Variants in TMEM117 observed in about 807,000 individuals in gnomAD.
The protein encoded by TMEM117 is transmembrane protein 117.
In TMEM117, 27 loss-of-function variants were observed where a neutral mutation model predicts 52.4. That is an observed-to-expected ratio of 0.51 (90% CI 0.38 to 0.71). The LOEUF (loss-of-function observed/expected upper bound fraction) is 0.71, where lower values mean the gene tolerates loss of function less well. Ranked by LOEUF, TMEM117 falls within the 30% of genes least tolerant of loss-of-function variation. The pLI is 0.00. For missense variants in TMEM117, 556 were observed against 630.5 expected (o/e 0.88, Z 1.26); for synonymous variants, 215 against 206.3 (o/e 1.04, Z -0.36).
At chr12:43,834,391 A>G (rs976026731), upstream of TMEM117, among the ~76,000 whole-genome samples, 1 of 152,242 alleles carries the variant, frequency 6.6e-6, no homozygotes, top group African/African-American at 2.4e-5. Context: ...TTAGGTACTA[A>G]GGATACAATC....
chr12:44,124,056 G>A lies in TMEM117; in HGVS notation c.411-19469G>A, dbSNP rs186113727. ...TGAGCATGGAATTTTTTTTCCATTTGTTTTAGTCATCTCTGATTTCTTTGA... is the reference window on the plus strand; with the variant it reads ...TGAGCATGGAATTTTTTTTCCATTTATTTTAGTCATCTCTGATTTCTTTGA... On this transcript the variant is annotated intron_variant, in intron 3 of 7. Transcript: ENST00000266534. 1.2e-3 allele frequency among the ~76,000 whole-genome samples: 185 copies of A among 151,522 alleles called. 1 individual carries two copies. Among genetic ancestry groups the A allele is most frequent in the Admixed American group, 2.6e-3 (40 of 15,244 alleles).
Position 43,883,375 on chromosome 12 carries a change from C to T in TMEM117, c.277+38447C>T, listed in dbSNP as rs139479790. On this transcript the variant is annotated intron_variant, in intron 2 of 7. Transcript: ENST00000266534. ...TTATTCAAGTCATATCTCTTCATCA[C>T]CGCATTTCATATACAAAGCCTGCCA... is the stretch of plus-strand genomic sequence containing the variant. 3.9e-3 allele frequency among the ~76,000 whole-genome samples: 601 copies of T among 152,228 alleles called. 5 individuals are homozygous for T. The highest frequency in any genetic ancestry group is 0.014 in the African/African-American group (567 of 41,556).
At chr12:44,148,122 G>A (rs1948671530) in intron 4 of TMEM117, among the ~76,000 whole-genome samples, 2 of 152,102 alleles carry the variant, frequency 1.3e-5, no homozygotes, top group African/African-American at 4.8e-5. Context: ...GCCACTACTA[G>A]CAAAGGCTTT....
At chr12:44,214,122 A>C (rs1253264636) in intron 5 of TMEM117, among the ~76,000 whole-genome samples, 1 of 146,406 alleles carries the variant, frequency 6.8e-6, no homozygotes, top group African/African-American at 2.5e-5. Flanking sequence ...CCAATGTCTT[A>C]CAAATTTTTT....
chr12:43,896,135 A>T (rs1944197465), intron 2 of TMEM117, among the ~76,000 whole-genome samples: 1 of 152,204 alleles, frequency 6.6e-6, no homozygotes. Flanking sequence ...AAGTTGACAC[A>T]TAGTATTGAC....
At chr12:44,214,126 ATTTTTTTTTTAATTTTTTT>A (rs1565599839) in intron 5 of TMEM117, among the ~76,000 whole-genome samples, 1 of 138,662 alleles carries the variant, frequency 7.2e-6, no homozygotes, top group Admixed American at 7.4e-5. Flanking sequence ...TGTCTTACAA[ATTTTTTTTTTAATTTTTTT>A]TTTTTTTTTT....
At chr12:44,390,199 G>GACACAC (rs58917894), downstream of TMEM117, among the ~76,000 whole-genome samples, 6,592 of 143,640 alleles carry the variant, frequency 0.046, 159 homozygotes, top group Middle Eastern at 0.082. Flanking sequence ...AAACATATCT[G>GACACAC]ACACACACAC....
intron 2 of TMEM117, among the ~76,000 whole-genome samples, chr12:43,851,991 C>G (rs1943315451): frequency 6.6e-6 from 1 of 152,208 alleles, no homozygotes. Flanking sequence ...AAACGTTCAT[C>G]AAAGTGTAGA....
At chr12:44,349,556 C>A (rs1353277334) in intron 6 of TMEM117, among the ~76,000 whole-genome samples, 1 of 151,986 alleles carries the variant, frequency 6.6e-6, no homozygotes, top group African/African-American at 2.4e-5. Context: ...CTGTCAGATC[C>A]ACTTCAGAGT....
Position 44,388,328 on chromosome 12 carries a change from C to G in TMEM117, c.1201C>G (p.Leu401Val). 6.2e-7 allele frequency: 1 copy of G among 1,613,578 alleles called. No homozygotes were observed. Among genetic ancestry groups the G allele is most frequent in the Non-Finnish European group, 8.5e-7 (1 of 1,179,670 alleles). Reference protein sequence around the residue: ...DVKCLAFVPSLIAFVWFGFFI... With the variant: ...DVKCLAFVPSVIAFVWFGFFI... ...CAAGTGTCTGGCCTTTGTTCCAAGC[C>G]TGATAGCCTTTGTGTGGTTTGGATT... Residue 401 changes from leucine (L) to valine (V), a missense_variant, in exon 8 of 8, where the codon CTG becomes GTG. Transcript: ENST00000266534.
At chr12:44,286,765 A>G (rs1195984421) in intron 5 of TMEM117, among the ~76,000 whole-genome samples, 5 of 152,212 alleles carry the variant, frequency 3.3e-5, no homozygotes, top group African/African-American at 9.7e-5. Context: ...AATCCCATAT[A>G]TAATAAACAA....
chr12:44,237,843 A>G (rs1950017100), intron 5 of TMEM117, among the ~76,000 whole-genome samples: 2 of 152,216 alleles, frequency 1.3e-5, no homozygotes, highest in Non-Finnish European at 2.9e-5. Flanking sequence ...TGAATGCCCT[A>G]TTACATCAGG....
intron 5 of TMEM117, among the ~76,000 whole-genome samples, chr12:44,239,429 T>A (rs1317315306): frequency 6.6e-6 from 1 of 152,192 alleles, no homozygotes; most frequent in Non-Finnish European, 1.5e-5. Flanking sequence ...GAAATTAAGA[T>A]GTTCCTGTCA....
At chr12:44,037,842 C>T (rs1036966700) in intron 3 of TMEM117, among the ~76,000 whole-genome samples, 2 of 151,566 alleles carry the variant, frequency 1.3e-5, no homozygotes, top group African/African-American at 2.4e-5. Flanking sequence ...CTACCCACTA[C>T]AGGGTCTCCT....
intron 3 of TMEM117, among the ~76,000 whole-genome samples, chr12:43,967,884 C>G (rs1032142014): frequency 1.3e-5 from 2 of 152,210 alleles, no homozygotes; most frequent in Admixed American, 6.5e-5. Context: ...CAGAAACATG[C>G]GTGTGCGTGT....
intron 4 of TMEM117, among the ~76,000 whole-genome samples, chr12:44,166,663 A>G (rs1948971857): frequency 6.6e-6 from 1 of 152,214 alleles, no homozygotes; most frequent in Non-Finnish European, 1.5e-5. Flanking sequence ...TCATGCTGCT[A>G]CAAGCCTTGC....
At chr12:43,924,268 A>C (rs941788002) in intron 2 of TMEM117, among the ~76,000 whole-genome samples, 5 of 152,206 alleles carry the variant, frequency 3.3e-5, no homozygotes, top group Non-Finnish European at 5.9e-5. Flanking sequence ...GAATTCTTAA[A>C]GATGAAAGAA....
intron 6 of TMEM117, among the ~76,000 whole-genome samples, chr12:44,301,858 C>T (rs555375204): frequency 6.6e-6 from 1 of 152,258 alleles, no homozygotes; most frequent in East Asian, 1.9e-4. Context: ...ATTGGAGAAA[C>T]TCATGGGCTC....
intron 3 of TMEM117, among the ~76,000 whole-genome samples, chr12:43,970,022 G>A (rs1172205952): frequency 2.0e-5 from 3 of 152,166 alleles, no homozygotes; most frequent in Non-Finnish European, 4.4e-5. Flanking sequence ...GAATTCATAA[G>A]TTATAAGTTG....
Sources: gnomAD v4.1 joint callset for allele counts (sites outside exome capture counted in the v4.1 genomes callset) on GRCh38, gnomAD v4.1.1 for gene constraint, MANE v1.5 for transcripts, NCBI Gene and HGNC (gene_info 2026-07-23, HGNC 2026-07-21) for gene names.